TMCO5A: variants seen among roughly 807,000 people sequenced by gnomAD.
The protein encoded by TMCO5A is transmembrane and coiled-coil domains 5A.
In TMCO5A, 34 loss-of-function variants were observed where a neutral mutation model predicts 42.3. The observed-to-expected ratio is 0.80, with a 90% CI of 0.61 to 1.07. The LOEUF is 1.07. Ranked by LOEUF, TMCO5A falls within the 50% of genes least tolerant of loss-of-function variation. The pLI is 0.00. For missense variants in TMCO5A, 357 were observed against 327.9 expected, an observed-to-expected ratio of 1.09 and a Z score of -0.69; for synonymous variants, 131 against 115.6, an observed-to-expected ratio of 1.13 and a Z score of -0.86.
rs751266242 is a variant in TMCO5A at position 37,941,678 on chromosome 15, A to G, written c.452A>G (p.Lys151Arg). The G allele has an allele frequency of 1.2e-6, 2 of 1,609,592 alleles. No homozygotes were observed. Among genetic ancestry groups the G allele is most frequent in the Non-Finnish European group, 1.7e-6 (2 of 1,176,332 alleles). Residue 151 changes from lysine (K) to arginine (R), a missense_variant, in exon 8 of 12, where the codon AAG becomes AGG. Lys to Arg is a conservative substitution (Grantham distance 26). Transcript: ENST00000319669. ...CQEKELLKVMKEYAFVTQLCE... is the reference protein window; with the variant it reads ...CQEKELLKVMREYAFVTQLCE... Reference sequence around the variant, plus strand: ...TAAATTTTGATTTCCTAGGTAATGAAGGAGTATGCATTTGTGACCCAGCTC... The same window carrying G: ...TAAATTTTGATTTCCTAGGTAATGAGGGAGTATGCATTTGTGACCCAGCTC...
chr15:37,982,160 A>C, the TMCO5A span, among the ~76,000 whole-genome samples: 2 of 152,212 alleles, frequency 1.3e-5, no homozygotes, highest in African/African-American at 4.8e-5. Flanking sequence ...TCAAGAGAAT[A>C]GATGTGGAAA....
the TMCO5A span, among the ~76,000 whole-genome samples, chr15:37,983,588 CAT>C: frequency 2.6e-5 from 4 of 152,152 alleles, no homozygotes; most frequent in Admixed American, 6.5e-5. Flanking sequence ...ATCACAGACT[CAT>C]AGAATTGGCA....
the TMCO5A span, among the ~76,000 whole-genome samples, chr15:38,036,198 C>T: frequency 1.1e-4 from 17 of 152,168 alleles, no homozygotes; most frequent in African/African-American, 4.1e-4. Context: ...AGCTTCATAC[C>T]CAGGTCTGCT....
chr15:37,938,677 T>C (rs150595035), intron 6 of TMCO5A, among the ~76,000 whole-genome samples: 3 of 152,210 alleles, frequency 2.0e-5, no homozygotes, highest in Admixed American at 2.0e-4. Context: ...CTGAGGTGCA[T>C]GTATGAATTC....
At chr15:37,958,370 C>A (rs1890343185) in intron 11 of TMCO5A, among the ~76,000 whole-genome samples, 1 of 143,678 alleles carries the variant, frequency 7.0e-6, no homozygotes, top group African/African-American at 2.6e-5. Flanking sequence ...CCAGAATCTA[C>A]AAAGAACTTA....
chr15:38,036,977 C>T, the TMCO5A span, among the ~76,000 whole-genome samples: 3 of 152,158 alleles, frequency 2.0e-5, no homozygotes, highest in Admixed American at 6.5e-5. Context: ...TACCTCCTAA[C>T]ATACCTCTCA....
At chr15:37,978,799 G>A in the TMCO5A span, among the ~76,000 whole-genome samples, 1 of 147,996 alleles carries the variant, frequency 6.8e-6, no homozygotes, top group Non-Finnish European at 1.5e-5. Flanking sequence ...AAAGAAAAGA[G>A]GTTTAATTGG....
intron 2 of TMCO5A, 102 bp from the exon 3 acceptor site, chr15:37,936,212 T>G: frequency 7.5e-7 from 1 of 1,328,232 alleles, no homozygotes; most frequent in South Asian, 1.5e-5. Context: ...CCAGAGAGAG[T>G]AAGGTTAATA....
exon 12 of TMCO5A, chr15:37,966,833 G>C (rs1595612229): frequency 1.6e-6 from 1 of 625,668 alleles, no homozygotes; most frequent in East Asian, 2.7e-5. Context: ...GATTGGTCAA[G>C]CTTATGTCAT....
exon 12 of TMCO5A, chr15:37,966,836 T>G: frequency 1.6e-6 from 1 of 622,702 alleles, no homozygotes; most frequent in Non-Finnish European, 2.9e-6. Flanking sequence ...TGGTCAAGCT[T>G]ATGTCATATG....
At chr15:37,973,613 T>A in the TMCO5A span, among the ~76,000 whole-genome samples, 1 of 152,212 alleles carries the variant, frequency 6.6e-6, no homozygotes, top group Non-Finnish European at 1.5e-5. Flanking sequence ...TGTGCATTGA[T>A]TTTGTATCCT....
chr15:37,971,127 G>A (rs528090551), downstream of TMCO5A, among the ~76,000 whole-genome samples: 12 of 152,274 alleles, frequency 7.9e-5, no homozygotes, highest in African/African-American at 2.4e-4. Flanking sequence ...TGAGGACCCC[G>A]CCCCTGTAGC....
chr15:38,036,416 T>C, the TMCO5A span, among the ~76,000 whole-genome samples: 1 of 151,754 alleles, frequency 6.6e-6, no homozygotes. Flanking sequence ...GCCTACAACA[T>C]CCTTCTCTCT....
the TMCO5A span, among the ~76,000 whole-genome samples, chr15:38,014,517 C>T: frequency 1.3e-5 from 2 of 152,110 alleles, no homozygotes; most frequent in African/African-American, 4.8e-5. Context: ...ACATAAGCTT[C>T]CTGCAAACCA....
At chr15:37,977,957 G>A in the TMCO5A span, among the ~76,000 whole-genome samples, 2 of 152,304 alleles carry the variant, frequency 1.3e-5, no homozygotes, top group East Asian at 3.9e-4. Context: ...CCTTATGGAG[G>A]CTGCAGCATG....
chr15:38,015,846 T>G, the TMCO5A span, among the ~76,000 whole-genome samples: 56 of 152,166 alleles, frequency 3.7e-4, no homozygotes, highest in African/African-American at 1.3e-3. Flanking sequence ...TATATGACAT[T>G]CTAGAAAAAG....
At chr15:38,025,237 A>G in the TMCO5A span, among the ~76,000 whole-genome samples, 1 of 151,432 alleles carries the variant, frequency 6.6e-6, no homozygotes, top group Admixed American at 6.6e-5. Context: ...GAAGCAGAAA[A>G]TGTATTGTCT....
At chr15:38,025,134 G>A in the TMCO5A span, 1 of 151,846 alleles carries the variant, frequency 6.6e-6, no homozygotes, top group African/African-American at 2.4e-5. Context: ...CTTTTCTGGT[G>A]GAAGTGGAGG....
the TMCO5A span, among the ~76,000 whole-genome samples, chr15:37,996,858 C>A: frequency 9.2e-5 from 14 of 152,310 alleles, no homozygotes; most frequent in African/African-American, 3.4e-4. Context: ...CACCACTTAC[C>A]ATTACACCCA....
Sources: gnomAD v4.1 joint callset for allele counts (sites outside exome capture counted in the v4.1 genomes callset) on GRCh38, gnomAD v4.1.1 for gene constraint, MANE v1.5 for transcripts, NCBI Gene and HGNC (gene_info 2026-07-23, HGNC 2026-07-21) for gene names.